The following ADGRG6 variants were observed in gnomAD, a reference collection of about 807,000 sequenced individuals.
ADGRG6 encodes the protein adhesion G protein-coupled receptor G6, also known as G-protein coupled receptor 126.
A neutral mutation model predicts 142.4 loss-of-function variants in ADGRG6; 84 were observed. The ratio of observed to expected loss-of-function variants is 0.59; its 90% CI spans 0.49 to 0.71. The LOEUF is 0.71. ADGRG6 is among the 30% of genes least tolerant of loss of function. The probability of loss-of-function intolerance (pLI) is 0.00; values close to 1 mark genes in which losing one functional copy is unlikely to be tolerated. For synonymous variants in ADGRG6, 521 were observed against 520.5 expected, an observed-to-expected ratio of 1.00 and a Z score of -0.01; for missense variants, 1,367 against 1,466.6, an observed-to-expected ratio of 0.93 and a Z score of 1.11.
intron 20 of ADGRG6, 50 bp from the exon 21 acceptor site, chr6:142,417,223 G>A: frequency 1.1e-6 from 1 of 899,094 alleles, no homozygotes; most frequent in Non-Finnish European, 1.9e-6. Flanking sequence ...GTCTTATGAA[G>A]CAGTTTCAGA....
At chr6:142,427,977 G>A (rs201509757) in intron 22 of ADGRG6, among the ~76,000 whole-genome samples, 7 of 152,182 alleles carry the variant, frequency 4.6e-5, no homozygotes, top group Admixed American at 2.6e-4. Flanking sequence ...ATGAGATTTG[G>A]GTGGGGACAC....
At chr6:142,393,077 C>A in intron 8 of ADGRG6, 77 bp downstream of exon 8, 1 of 759,656 alleles carries the variant, frequency 1.3e-6, no homozygotes, top group Non-Finnish European at 2.3e-6. Context: ...CTGATTGTAC[C>A]AAAATATACA....
intron 24 of ADGRG6, among the ~76,000 whole-genome samples, chr6:142,442,411 T>C (rs1777799219): frequency 6.6e-6 from 1 of 152,114 alleles, no homozygotes; most frequent in African/African-American, 2.4e-5. Context: ...TACGTCTTTA[T>C]AGATAATAGA....
chr6:142,413,722 G>T (rs563784876), intron 18 of ADGRG6, among the ~76,000 whole-genome samples: 1 of 152,076 alleles, frequency 6.6e-6, no homozygotes, highest in Admixed American at 6.6e-5. Flanking sequence ...TGGGTGCCCC[G>T]TGTTCTCCCA....
chr6:142,418,437 G>A (rs751384848), intron 21 of ADGRG6, among the ~76,000 whole-genome samples: 4 of 152,040 alleles, frequency 2.6e-5, no homozygotes, highest in Non-Finnish European at 4.4e-5. Context: ...AAATAATGGG[G>A]CTAGGTGAGG....
intron 1 of ADGRG6, 59 bp downstream of exon 1, chr6:142,302,390 T>C (rs1777267779): frequency 6.3e-7 from 1 of 1,578,946 alleles, no homozygotes; most frequent in Non-Finnish European, 8.7e-7. Flanking sequence ...CCACCTTCTG[T>C]CGCCCCCTCC....
chr6:142,348,878 A>G (rs2114761948), intron 2 of ADGRG6, among the ~76,000 whole-genome samples: 1 of 152,332 alleles, frequency 6.6e-6, no homozygotes, highest in East Asian at 1.9e-4. Context: ...TTGGGATTTG[A>G]CAAAAATGTA....
intron 6 of ADGRG6, among the ~76,000 whole-genome samples, chr6:142,388,731 G>A (rs1029881023): frequency 2.0e-5 from 3 of 152,028 alleles, no homozygotes; most frequent in Admixed American, 2.0e-4. Flanking sequence ...GGTCATATGG[G>A]TACTAGAAGT....
At position 142,351,403 on chromosome 6, in the gene ADGRG6, AC is replaced by A. The variant is rs377428437; in HGVS notation, c.104-16164del. Reference sequence around the variant, plus strand: ...AGAGAACCCTGAAATAAAGCCGCACACCTACAACCACCTGATCTTCAACAAA... The same window carrying A: ...AGAGAACCCTGAAATAAAGCCGCACACTACAACCACCTGATCTTCAACAAA... On this transcript the variant is annotated intron_variant, in intron 2 of 24. Coordinates refer to ENST00000367609, the MANE Select transcript of ADGRG6 (RefSeq NM_198569.3). Among the ~76,000 whole-genome samples the A allele has an allele frequency of 4.8e-4, 73 of 152,276 alleles. No individual in the cohort carries two copies. In the East Asian group the frequency reaches 0.014, roughly 28 times the overall value.
chr6:142,398,635 C>A (rs1344552800), intron 10 of ADGRG6, among the ~76,000 whole-genome samples: 1 of 152,048 alleles, frequency 6.6e-6, no homozygotes, highest in East Asian at 1.9e-4. Context: ...CTTTAGATAC[C>A]CTTTCTATAT....
At chr6:142,429,019 A>G (rs1244115563) in intron 22 of ADGRG6, among the ~76,000 whole-genome samples, 1 of 152,084 alleles carries the variant, frequency 6.6e-6, no homozygotes, top group East Asian at 1.9e-4. Flanking sequence ...GAAATTTTAA[A>G]TTTTTTCTGA....
At position 142,317,982 on chromosome 6, in the gene ADGRG6, A is replaced by G. The variant is rs1364538814; in HGVS notation, c.103+8338A>G. On this transcript the variant is annotated intron_variant, in intron 2 of 24. Transcript: ENST00000367609. ...ATATTTATATATTATATATATTTAT[A>G]TTACATATTTATATATTATATATAA... Among the ~76,000 whole-genome samples, 384 of 60,818 alleles carry G rather than the reference A, an allele frequency of 6.3e-3. 4 individuals are homozygous for G. Among genetic ancestry groups the G allele is most frequent in the Non-Finnish European group, 9.6e-3 (351 of 36,542 alleles). The allele number at this position is 60,818 out of a possible 152,430, so 39.9% of individuals were successfully genotyped here.
intron 9 of ADGRG6, among the ~76,000 whole-genome samples, chr6:142,395,286 C>T (rs1201993279): frequency 6.6e-6 from 1 of 152,136 alleles, no homozygotes; most frequent in Non-Finnish European, 1.5e-5. Flanking sequence ...CTCTTCTCCA[C>T]TATTTAACCA....
intron 22 of ADGRG6, among the ~76,000 whole-genome samples, chr6:142,421,833 T>A (rs1398538523): frequency 6.6e-6 from 1 of 152,294 alleles, no homozygotes; most frequent in East Asian, 1.9e-4. Context: ...TCATATAAAT[T>A]CAGAACAGAT....
intron 2 of ADGRG6, among the ~76,000 whole-genome samples, chr6:142,350,840 T>G (rs1446348746): frequency 4.6e-5 from 7 of 152,046 alleles, no homozygotes. Flanking sequence ...GCTGTTCCGA[T>G]CAAACTACCA....
At chr6:142,426,830 G>A (rs988202108) in intron 22 of ADGRG6, among the ~76,000 whole-genome samples, 2 of 152,172 alleles carry the variant, frequency 1.3e-5, no homozygotes, top group Non-Finnish European at 2.9e-5. Flanking sequence ...AACACCATAT[G>A]GAAGCTGCCA....
intron 22 of ADGRG6, among the ~76,000 whole-genome samples, chr6:142,427,573 A>G (rs1419302706): frequency 6.6e-6 from 1 of 152,158 alleles, no homozygotes; most frequent in Non-Finnish European, 1.5e-5. Context: ...CCAGTTCCCA[A>G]GTTGCTTCCA....
Position 142,381,873 on chromosome 6 carries a change from A to G in ADGRG6, c.1070-78A>G. 1.0e-5 allele frequency: 9 copies of G among 877,766 alleles called. No homozygotes were observed. In the East Asian group the frequency reaches 1.3e-4, roughly 13 times the overall value. The allele number at this position is 877,766 out of a possible 1,614,324, so 54.4% of individuals were successfully genotyped here. A position where few individuals can be genotyped will look rare whatever the true frequency, so the allele number is the denominator to read the frequency against. On this transcript the variant is annotated intron_variant, in intron 4 of 24. Coordinates refer to ENST00000367609, the MANE Select transcript of ADGRG6 (RefSeq NM_198569.3). ...GGACTCTTCTAGGGCTGCTTCTATT[A>G]CATCAACCGTATGATTTTTCTGGAT...
chr6:142,348,519 T>C (rs969642462), intron 2 of ADGRG6, among the ~76,000 whole-genome samples: 1 of 152,182 alleles, frequency 6.6e-6, no homozygotes, highest in Non-Finnish European at 1.5e-5. Flanking sequence ...TTTGGAAATA[T>C]CTGCTGCTTC....
Sources: gnomAD v4.1 joint callset for allele counts (sites outside exome capture counted in the v4.1 genomes callset) on GRCh38, gnomAD v4.1.1 for gene constraint, MANE v1.5 for transcripts, NCBI Gene and HGNC (gene_info 2026-07-23, HGNC 2026-07-21) for gene names.